Variants in BTBD18 observed in about 807,000 individuals in gnomAD.
The protein encoded by BTBD18 is BTB domain containing 18.
For synonymous variants in BTBD18, 311 were observed against 324.4 expected, an observed-to-expected ratio of 0.96 and a Z score of 0.44; for missense variants, 787 against 846.3, an observed-to-expected ratio of 0.93 and a Z score of 0.87.
Position 57,744,783 on chromosome 11 carries a change from A to G in BTBD18, c.1490T>C (p.Ile497Thr). The G allele has an allele frequency of 6.4e-7, 1 of 1,551,704 alleles. No individual in the cohort carries two copies. The highest frequency in any genetic ancestry group is 8.7e-7 in the Non-Finnish European group (1 of 1,147,008). ...TGAGCCACAGAGCATGAAGTCCAGG[A>G]TCTCCTCCAGCTCACTGGTGGCAGC... ...SAAATSELEE[I>T]LDFMLCGSDI... The change falls in exon 3 of 3, where the codon ATC becomes ACC. Residue 497 changes from isoleucine to threonine, a missense_variant. Coordinates refer to ENST00000422652, the MANE Select transcript of BTBD18 (RefSeq NM_001145101.3).
At chr11:57,748,631 A>G (rs1949240701) in intron 2 of BTBD18, among the ~76,000 whole-genome samples, 1 of 152,132 alleles carries the variant, frequency 6.6e-6, no homozygotes, top group African/African-American at 2.4e-5. Context: ...CACTTCAGCA[A>G]CTTTTGTAAA....
At chr11:57,746,357 T>C (rs1430088537) in intron 2 of BTBD18, among the ~76,000 whole-genome samples, 1 of 147,894 alleles carries the variant, frequency 6.8e-6, no homozygotes, top group African/African-American at 2.5e-5. Context: ...TTTGAGACAG[T>C]CTCGCTTGGT....
rs750275119 is a variant in BTBD18 at position 57,744,346 on chromosome 11, T to C, written c.1927A>G (p.Thr643Ala). 32 of 1,551,464 alleles carry C rather than the reference T, an allele frequency of 2.1e-5. 1 individual carries two copies. The Middle Eastern group carries it at 6.7e-4, about 32-fold the overall frequency. ...WVETGLEVSL[T>A]TDELLYPSPK... is the part of the protein sequence containing the mutation. ...GAAGGGTATAATAACTCATCTGTAG[T>C]CAAGGAGACTTCCAGCCCAGTCTCC... The change falls in exon 3 of 3, where the codon ACT becomes GCT. Residue 643 changes from threonine (T) to alanine (A), a missense_variant. Transcript: ENST00000422652.
intron 2 of BTBD18, among the ~76,000 whole-genome samples, chr11:57,750,209 C>T (rs986317297): frequency 1.3e-5 from 2 of 151,964 alleles, no homozygotes; most frequent in African/African-American, 4.8e-5. Flanking sequence ...AACCCCATCT[C>T]TACTAAAAAT....
chr11:57,748,980 A>G (rs942990259), intron 2 of BTBD18, among the ~76,000 whole-genome samples: 1 of 152,172 alleles, frequency 6.6e-6, no homozygotes, highest in African/African-American at 2.4e-5. Context: ...CCGTGGTCAC[A>G]TCTCTGAACC....
intron 2 of BTBD18, 76 bp downstream of exon 2, chr11:57,750,989 C>G: frequency 7.5e-7 from 1 of 1,336,578 alleles, no homozygotes; most frequent in Non-Finnish European, 9.7e-7. Context: ...TGATTTTGTC[C>G]TTTACCCTCT....
rs1314110423 is a variant in BTBD18, at chr11:57,744,696, G to A, written c.1577C>T (p.Thr526Ile). The A allele has an allele frequency of 1.9e-6, 3 of 1,551,680 alleles. No individual in the cohort carries two copies. In the South Asian group the frequency reaches 3.6e-5, roughly 18 times the overall value. Reference sequence around the variant, plus strand: ...CTTTCCTGTTTCTGTCAGATGGTAGGTAGGCGTTCTGCAGCCCTCAGCCCC... The same window carrying A: ...CTTTCCTGTTTCTGTCAGATGGTAGATAGGCGTTCTGCAGCCCTCAGCCCC... ...SPGAEGCRTP[T>I]YHLTETGKNW... is the part of the protein sequence containing the mutation. The change falls in exon 3 of 3, where the codon ACC (threonine) becomes ATC (isoleucine). Residue 526 changes from threonine (T) to isoleucine (I), a missense_variant. By Grantham distance (89) the Thr-to-Ile change is moderately conservative (BLOSUM62 -1). Coordinates refer to ENST00000422652, the MANE Select transcript of BTBD18 (RefSeq NM_001145101.3).
At chr11:57,748,041 A>G (rs1173005889) in intron 2 of BTBD18, among the ~76,000 whole-genome samples, 1 of 152,186 alleles carries the variant, frequency 6.6e-6, no homozygotes, top group African/African-American at 2.4e-5. Flanking sequence ...GGCTAAAACA[A>G]TCTGTCTGCC....
chr11:57,752,725 C>T (rs897971587), upstream of BTBD18, among the ~76,000 whole-genome samples: 1 of 152,198 alleles, frequency 6.6e-6, no homozygotes, highest in African/African-American at 2.4e-5. Context: ...TGCTTCCTCT[C>T]AATGTTCAGC....
At chr11:57,747,109 G>A (rs1025473244) in intron 2 of BTBD18, among the ~76,000 whole-genome samples, 1 of 152,230 alleles carries the variant, frequency 6.6e-6, no homozygotes, top group African/African-American at 2.4e-5. Context: ...AGCTATGGAG[G>A]TGGATGATCT....
intron 2 of BTBD18, 127 bp from the exon 3 acceptor site, chr11:57,746,275 A>G (rs1032352542): frequency 4.4e-5 from 32 of 725,756 alleles, no homozygotes; most frequent in African/African-American, 7.3e-5. Flanking sequence ...CAAGTAAAAG[A>G]AAAAAATTAT....
Position 57,744,813 on chromosome 11 carries a change from C to T in BTBD18, c.1460G>A (p.Ser487Asn), listed in dbSNP as rs1441049536. The stretch of plus-strand genomic sequence containing the variant: ...CTCCAGCTCACTGGTGGCAGCAGCA[C>T]TTGTGATTCGGTACTCCTCAGCCTC... ...PCEAEEYRIT[S>N]AAATSELEEI... is the part of the protein sequence containing the mutation. Residue 487 changes from serine to asparagine, a missense_variant, in exon 3 of 3, where the codon AGT becomes AAT. Transcript: ENST00000422652. 3 of 1,551,754 alleles carry T rather than the reference C, an allele frequency of 1.9e-6. No individual in the cohort carries two copies. Among genetic ancestry groups the T allele is most frequent in the East Asian group, 2.4e-5 (1 of 40,924 alleles).
rs988936645 is a variant in BTBD18 at position 57,744,633 on chromosome 11, A to G, written c.1640T>C (p.Met547Thr). 1 of 1,551,628 alleles carries G rather than the reference A, an allele frequency of 6.4e-7. No individual in the cohort carries two copies. The highest frequency in any genetic ancestry group is 2.0e-5 in the Admixed American group (1 of 51,008). Residue 547 changes from methionine (M) to threonine (T), a missense_variant, in exon 3 of 3, where the codon ATG (methionine) becomes ACG (threonine). Met to Thr is a moderately conservative substitution (Grantham distance 81, BLOSUM62 -1). Transcript: ENST00000422652. Reference protein sequence around the residue: ...IEGEEWCLPDMELWPRELTEL... With the variant: ...IEGEEWCLPDTELWPRELTEL... The stretch of plus-strand genomic sequence containing the variant: ...TGTGAGCTCCCTGGGCCAGAGTTCC[A>G]TGTCTGGTAGACACCATTCTTCCCC...
Position 57,745,856 on chromosome 11 carries a change from C to T in BTBD18, c.417G>A (p.Leu139=), listed in dbSNP as rs374659103. 8 of 1,551,570 alleles carry T rather than the reference C, an allele frequency of 5.2e-6. No homozygotes were observed. In the East Asian group the frequency reaches 1.2e-4, roughly 24 times the overall value. ...TTGTTGGTTGTAAGCACTCTCGGTT[C>T]AGCCTTCGGCCCTGTGGGGCCTTCA... ...KLVKAPQGRR[L]NRECLQPTSA... Residue 139 remains leucine, a synonymous_variant, in exon 3 of 3, where the codon CTG becomes CTA. Transcript: ENST00000422652.
In BTBD18 at chr11:57,746,423, G is replaced by A. The variant is rs1048181835; in HGVS notation, c.125-275C>T. 6.6e-5 allele frequency among the ~76,000 whole-genome samples: 10 copies of A among 151,128 alleles called. No homozygotes were observed. The South Asian group carries it at 1.7e-3, about 25-fold the overall frequency. ...CAGCTCACTGCAACCTCTGCCTCCC[G>A]GGTTCAAGCAATTCTCCTGTCTTAG... On this transcript the variant is annotated intron_variant, in intron 2 of 2. Coordinates refer to ENST00000422652, the MANE Select transcript of BTBD18 (RefSeq NM_001145101.3).
chr11:57,745,543 CTG>C lies in BTBD18; in HGVS notation c.728_729del (p.Thr243SerfsTer44), dbSNP rs1295165964. 1 of 1,550,222 alleles carries C rather than the reference CTG, an allele frequency of 6.5e-7. No homozygotes were observed. The highest frequency in any genetic ancestry group is 2.4e-5 in the East Asian group (1 of 40,918). On this transcript the variant is annotated frameshift_variant, in exon 3 of 3. Transcript: ENST00000422652. LOFTEE classifies it low-confidence loss of function (END_TRUNC). ...GGGTACAAGCTGGGTGGGGAGAGCA[CTG>C]TAGGATCAAGGGCAGTGTCATTCTT... ...ENKNDTALDP[T>X]VLSPPSLYPS...
In BTBD18 at chr11:57,745,304, G is replaced by A. The variant is rs1182937554; in HGVS notation, c.969C>T (p.Thr323=). Residue 323 remains threonine, a synonymous_variant, in exon 3 of 3, where the codon ACC becomes ACT. Transcript: ENST00000422652. ...TCTTTCCCAGACCAGATGGGTTTGG[G>A]GTGCTCTGCAGAGGACTAGCTCTGC... is the stretch of plus-strand genomic sequence containing the variant. The part of the protein sequence containing the change: ...KPGRASPLQS[T]PNPSGLGKTG... The A allele has an allele frequency of 1.3e-6, 2 of 1,551,702 alleles. No individual in the cohort carries two copies. The highest frequency in any genetic ancestry group is 1.7e-6 in the Non-Finnish European group (2 of 1,147,006).
Position 57,745,707 on chromosome 11 carries a change from C to G in BTBD18, c.566G>C (p.Gly189Ala), listed in dbSNP as rs1949176509. 6.4e-7 allele frequency: 1 copy of G among 1,551,594 alleles called. No homozygotes were observed. Among genetic ancestry groups the G allele is most frequent in the Non-Finnish European group, 8.7e-7 (1 of 1,146,972 alleles). Reference sequence around the variant, plus strand: ...ATTCTGTCGGTTGTTTTCCTGGGGCCCCTCTTCCTTCCCCAAGGACTTCAA... The same window carrying G: ...ATTCTGTCGGTTGTTTTCCTGGGGCGCCTCTTCCTTCCCCAAGGACTTCAA... ...IRLKSLGKEE[G>A]PQENNRQNAD... The change falls in exon 3 of 3, where the codon GGG (glycine) becomes GCG (alanine). Residue 189 changes from glycine (G) to alanine (A), a missense_variant. Physicochemically the swap from Gly to Ala is moderately conservative, Grantham distance 60. Coordinates refer to ENST00000422652, the MANE Select transcript of BTBD18 (RefSeq NM_001145101.3).
intron 1 of BTBD18, 79 bp from the exon 2 acceptor site, chr11:57,751,315 G>T: frequency 1.5e-6 from 1 of 689,312 alleles, no homozygotes; most frequent in South Asian, 2.5e-5. Context: ...GGGGAATTTT[G>T]AAAGTGAGAG....
Sources: allele counts gnomAD v4.1 joint callset (sites outside exome capture counted in the v4.1 genomes callset), GRCh38; gene constraint gnomAD v4.1.1; transcripts MANE v1.5; gene names NCBI Gene and HGNC (gene_info 2026-07-23, HGNC 2026-07-21).